RREB1: variants seen among roughly 807,000 people sequenced by gnomAD.
The protein encoded by RREB1 is ras responsive element binding protein 1.
RREB1 carries 27 observed loss-of-function variants against 117.8 expected under a neutral mutation model. The ratio of observed to expected loss-of-function variants is 0.23; its 90% CI spans 0.17 to 0.32. RREB1 has a LOEUF of 0.32. Ranked by LOEUF, RREB1 falls within the 10% of genes least tolerant of loss-of-function variation. RREB1 has a pLI of 1.00. For synonymous variants in RREB1, 1,298 were observed against 1,026.7 expected (o/e 1.26, Z -5.05); for missense variants, 2,577 against 2,378.2 (o/e 1.08, Z -1.74).
At chr6:7,206,189 T>C (rs1465962040) in intron 6 of RREB1, among the ~76,000 whole-genome samples, 1 of 152,244 alleles carries the variant, frequency 6.6e-6, no homozygotes, top group Non-Finnish European at 1.5e-5. Context: ...ACAATGAGTG[T>C]AGGTATTGTT....
rs933057256 is a variant in RREB1, at chr6:7,249,794, T to G, written c.*826T>G. On this transcript the variant is annotated 3_prime_UTR_variant, in exon 13 of 13. Transcript: ENST00000379938. ...TCCTCTTCCCTTTCAGTATATGTAT[T>G]ATTAATATTATTATTATTATTATTA... 2.0e-5 allele frequency: 3 copies of G among 151,000 alleles called. No individual in the cohort carries two copies. Among genetic ancestry groups the G allele is most frequent in the Admixed American group, 1.3e-4 (2 of 15,170 alleles). The allele number at this position is 151,000 out of a possible 1,614,324, so 9.4% of individuals were successfully genotyped here.
chr6:7,186,967 T>A (rs1049474414), intron 4 of RREB1, among the ~76,000 whole-genome samples: 4 of 152,204 alleles, frequency 2.6e-5, no homozygotes, highest in African/African-American at 9.6e-5. Context: ...TAGGGTGGGC[T>A]CTTCTGATGA....
chr6:7,218,383 C>T (rs1767032281), intron 8 of RREB1: 1 of 151,958 alleles, frequency 6.6e-6, no homozygotes, highest in South Asian at 2.1e-4. Flanking sequence ...TTGGGATTTT[C>T]ATCTTATTCT....
Position 7,246,744 on chromosome 6 carries a change from G to A in RREB1, c.4294G>A (p.Gly1432Ser). 6.4e-7 allele frequency: 1 copy of A among 1,573,362 alleles called. No individual in the cohort carries two copies. The highest frequency in any genetic ancestry group is 8.6e-7 in the Non-Finnish European group (1 of 1,160,030). The change falls in exon 12 of 13, where the codon GGC becomes AGC. Residue 1432 changes from glycine to serine, a missense_variant. Coordinates refer to ENST00000379938, the MANE Select transcript of RREB1 (RefSeq NM_001003699.4). ...TKLMDFKLAE[G>S]DGEAGAGGAA... ...GCTCATGGACTTCAAGCTGGCGGAG[G>A]GCGACGGCGAGGCAGGCGCCGGGGG... is the stretch of plus-strand genomic sequence containing the variant.
At chr6:7,135,928 A>T (rs1483550230) in intron 1 of RREB1, among the ~76,000 whole-genome samples, 1 of 152,138 alleles carries the variant, frequency 6.6e-6, no homozygotes, top group East Asian at 1.9e-4. Flanking sequence ...GGCAGGGAGA[A>T]ATTACTGTCC....
intron 1 of RREB1, among the ~76,000 whole-genome samples, chr6:7,163,398 T>G (rs541719826): frequency 7.9e-5 from 12 of 152,218 alleles, no homozygotes. Flanking sequence ...TTATTTTATT[T>G]ATTTATTTAT....
chr6:7,125,798 C>G (rs1043313945), intron 1 of RREB1, among the ~76,000 whole-genome samples: 3 of 151,892 alleles, frequency 2.0e-5, no homozygotes. Flanking sequence ...CAGGAAGAGC[C>G]GTGTGGACTG....
At chr6:7,173,827 C>G (rs755383481) in intron 1 of RREB1, among the ~76,000 whole-genome samples, 1 of 152,132 alleles carries the variant, frequency 6.6e-6, no homozygotes, top group Non-Finnish European at 1.5e-5. Flanking sequence ...AAGAAACCCT[C>G]GGGTTTTTCA....
chr6:7,203,920 T>C (rs6910463), intron 6 of RREB1, among the ~76,000 whole-genome samples: 69,830 of 152,016 alleles, frequency 0.46, 16,928 homozygotes, highest in African/African-American at 0.62. Flanking sequence ...TCATGGCCTC[T>C]GTGGGCCATA....
chr6:7,132,157 C>T (rs936002175), intron 1 of RREB1, among the ~76,000 whole-genome samples: 11 of 152,074 alleles, frequency 7.2e-5, no homozygotes, highest in Non-Finnish European at 1.3e-4. Flanking sequence ...CGGGTTCAAG[C>T]GATTCTCCTG....
intron 1 of RREB1, among the ~76,000 whole-genome samples, chr6:7,160,225 A>AT (rs887012972): frequency 6.6e-6 from 1 of 152,038 alleles, no homozygotes; most frequent in Non-Finnish European, 1.5e-5. Flanking sequence ...ATTAAAAAAA[A>AT]TTTTTAGACA....
Position 7,240,183 on chromosome 6 carries a change from A to G in RREB1, c.3809-255A>G, listed in dbSNP as rs1245149009. Among the ~76,000 whole-genome samples, 2 of 152,040 alleles carry G rather than the reference A, an allele frequency of 1.3e-5. No homozygotes were observed. The highest frequency in any genetic ancestry group is 2.9e-5 in the Non-Finnish European group (2 of 68,020). ...TTGTAATACCGTTGTTTTACTTTAA[A>G]TGTATATTTTTCAGTTTCATTTATT... On this transcript the variant is annotated intron_variant, in intron 10 of 12. Coordinates refer to ENST00000379938, the MANE Select transcript of RREB1 (RefSeq NM_001003699.4).
chr6:7,109,677 C>T (rs946229726), intron 1 of RREB1, among the ~76,000 whole-genome samples: 2 of 152,354 alleles, frequency 1.3e-5, no homozygotes, highest in East Asian at 1.9e-4. Flanking sequence ...GATTTGCCCT[C>T]CCTCGCTCCT....
At chr6:7,200,418 C>T (rs563415831) in intron 6 of RREB1, among the ~76,000 whole-genome samples, 3 of 151,802 alleles carry the variant, frequency 2.0e-5, no homozygotes, top group East Asian at 1.9e-4. Context: ...AACAGGCATG[C>T]GCCACCATAC....
chr6:7,189,436 G>A (rs777449728), intron 6 of RREB1, 114 bp downstream of exon 6: 9 of 1,004,964 alleles, frequency 9.0e-6, no homozygotes, highest in Non-Finnish European at 1.3e-5. Flanking sequence ...GAGTTCTGGA[G>A]CTCTGTCCAT....
At chr6:7,123,794 A>G (rs1761787147) in intron 1 of RREB1, among the ~76,000 whole-genome samples, 1 of 151,776 alleles carries the variant, frequency 6.6e-6, no homozygotes, top group Non-Finnish European at 1.5e-5. Flanking sequence ...TGTATTTTTA[A>G]TAGCGATGGG....
intron 1 of RREB1, among the ~76,000 whole-genome samples, chr6:7,125,987 T>TTTTGTTTG (rs58891233): frequency 0.33 from 49,390 of 150,686 alleles, 9,708 homozygotes; most frequent in Non-Finnish European, 0.45. Flanking sequence ...AAGGACTGTT[T>TTTTGTTTG]TTTGTTTGTT....
At chr6:7,168,253 T>TA (rs1764049644) in intron 1 of RREB1, among the ~76,000 whole-genome samples, 1 of 81,398 alleles carries the variant, frequency 1.2e-5, no homozygotes, top group African/African-American at 6.8e-5. Context: ...AGACTCCGTC[T>TA]GAAAAAAAAA....
At chr6:7,225,916 A>G (rs986788480) in intron 8 of RREB1, among the ~76,000 whole-genome samples, 1 of 152,226 alleles carries the variant, frequency 6.6e-6, no homozygotes, top group Non-Finnish European at 1.5e-5. Context: ...CATTCAGATA[A>G]TGATGATGCT....
Sources: allele counts gnomAD v4.1 joint callset (sites outside exome capture counted in the v4.1 genomes callset), GRCh38; gene constraint gnomAD v4.1.1; transcripts MANE v1.5; gene names NCBI Gene and HGNC (gene_info 2026-07-23, HGNC 2026-07-21).